TBCK: variants seen among roughly 807,000 people sequenced by gnomAD.
TBCK encodes the protein TBC1 domain containing kinase, also known as TBC domain-containing protein kinase-like protein.
Under a neutral mutation model 113.4 loss-of-function variants are expected in TBCK, and 99 were observed. That is an observed-to-expected ratio of 0.87 (90% CI 0.74 to 1.03). The LOEUF (loss-of-function observed/expected upper bound fraction) is 1.03. Ranked by LOEUF, TBCK falls within the 50% of genes least tolerant of loss-of-function variation. The pLI, the probability that TBCK is intolerant of heterozygous loss-of-function variation, is 0.00. For synonymous variants in TBCK, 369 were observed against 370.8 expected (o/e 1.00, Z 0.05); for missense variants, 1,045 against 1,061.3 (o/e 0.98, Z 0.21).
intron 19 of TBCK, among the ~76,000 whole-genome samples, chr4:106,221,471 G>A (rs887887906): frequency 2.6e-5 from 4 of 152,072 alleles, no homozygotes; most frequent in African/African-American, 7.2e-5. Context: ...GCTTTCAAAT[G>A]AGATAACAAT....
At chr4:106,244,482 C>T (rs1351207138) in intron 11 of TBCK, 144 bp downstream of exon 11, 3 of 602,646 alleles carry the variant, frequency 5.0e-6, no homozygotes, top group Non-Finnish European at 7.8e-6. Flanking sequence ...TTCCAATAAT[C>T]ACTTAGCTGG....
Position 106,231,780 on chromosome 4 carries a change from C to A in TBCK, c.1640-1G>T. ...AATGGAGCACAAAGTGAGTCAAGAC[C>A]TAACACAGAGGGGTTGGGAGAAAGA... On this transcript the variant is annotated splice_acceptor_variant, in intron 17 of 25. Transcript: ENST00000394708. LOFTEE classifies it high-confidence loss of function. 1.9e-6 allele frequency: 3 copies of A among 1,609,132 alleles called. No homozygotes were observed. The highest frequency in any genetic ancestry group is 2.5e-6 in the Non-Finnish European group (3 of 1,177,532).
intron 24 of TBCK, among the ~76,000 whole-genome samples, chr4:106,101,805 G>C (rs1242105719): frequency 1.3e-5 from 2 of 152,074 alleles, no homozygotes; most frequent in African/African-American, 2.4e-5. Flanking sequence ...ACATGACTAA[G>C]ACCTCTCTTA....
chr4:106,055,949 T>C (rs1735332693), intron 25 of TBCK, among the ~76,000 whole-genome samples: 1 of 151,372 alleles, frequency 6.6e-6, no homozygotes, highest in South Asian at 2.1e-4. Context: ...TTATGGAAAA[T>C]TATACCATAA....
chr4:106,152,764 G>A (rs78104935), intron 23 of TBCK, among the ~76,000 whole-genome samples: 3,727 of 152,038 alleles, frequency 0.025, 62 homozygotes, highest in Non-Finnish European at 0.036. Flanking sequence ...ATTACTTGTT[G>A]TTGATCTATT....
At chr4:106,245,272 TTC>T (rs750466439) in intron 10 of TBCK, among the ~76,000 whole-genome samples, 11 of 152,140 alleles carry the variant, frequency 7.2e-5, no homozygotes, top group Non-Finnish European at 1.5e-4. Context: ...GCCCTTATGT[TTC>T]CAGCAGTGGC....
chr4:106,197,411 G>GTGTATATATATATATATATATA (rs35695611), intron 20 of TBCK, among the ~76,000 whole-genome samples: 21 of 122,442 alleles, frequency 1.7e-4, no homozygotes, highest in African/African-American at 5.6e-4. Context: ...GTGTGTGTGT[G>GTGTATATATATATATATATATA]TATATATATA....
At chr4:106,144,948 G>C (rs1747591713) in intron 23 of TBCK, among the ~76,000 whole-genome samples, 1 of 151,598 alleles carries the variant, frequency 6.6e-6, no homozygotes, top group Non-Finnish European at 1.5e-5. Context: ...GCTTGAACTG[G>C]GAGGCGGAGG....
intron 3 of TBCK, among the ~76,000 whole-genome samples, chr4:106,270,429 C>G (rs1375911797): frequency 6.6e-6 from 1 of 152,152 alleles, no homozygotes; most frequent in Non-Finnish European, 1.5e-5. Context: ...TGTGCAAACA[C>G]ACTAGGTAAT....
chr4:106,230,312 C>A (rs375571678), intron 19 of TBCK, 51 bp downstream of exon 19: 2 of 1,184,338 alleles, frequency 1.7e-6, no homozygotes, highest in Admixed American at 1.9e-5. Context: ...CATCAGCACA[C>A]CAGTACATCA....
intron 20 of TBCK, among the ~76,000 whole-genome samples, chr4:106,196,972 G>A (rs996831374): frequency 6.6e-6 from 1 of 152,026 alleles, no homozygotes; most frequent in Non-Finnish European, 1.5e-5. Flanking sequence ...TTCTGACCAA[G>A]GTGGCATAAC....
chr4:106,142,314 G>A (rs1050227028), intron 23 of TBCK, among the ~76,000 whole-genome samples: 1 of 152,180 alleles, frequency 6.6e-6, no homozygotes, highest in African/African-American at 2.4e-5. Flanking sequence ...ACATTTAGCA[G>A]TAATTCTCTA....
chr4:106,071,449 T>C (rs891471618), intron 25 of TBCK, among the ~76,000 whole-genome samples: 1 of 152,240 alleles, frequency 6.6e-6, no homozygotes, highest in Non-Finnish European at 1.5e-5. Flanking sequence ...TTGATTGCAC[T>C]GTGGTCTGAG....
At chr4:106,231,659 C>A (rs1019563308) in intron 18 of TBCK, 70 bp downstream of exon 18, 1 of 1,447,234 alleles carries the variant, frequency 6.9e-7, no homozygotes, top group East Asian at 2.3e-5. Context: ...AAAACAAAAA[C>A]CTTTCATGTG....
intron 22 of TBCK, among the ~76,000 whole-genome samples, chr4:106,190,539 C>G (rs1241962689): frequency 6.6e-6 from 1 of 152,158 alleles, no homozygotes; most frequent in Non-Finnish European, 1.5e-5. Context: ...CACAATTACA[C>G]TATATCTCTG....
At chr4:106,219,228 G>A (rs1249455792) in intron 19 of TBCK, among the ~76,000 whole-genome samples, 6 of 116,364 alleles carry the variant, frequency 5.2e-5, no homozygotes, top group Admixed American at 1.0e-4. Flanking sequence ...TGTGGGGTGG[G>A]GGGAGGGGGG....
At chr4:106,192,676 G>A (rs1298447853) in intron 22 of TBCK, among the ~76,000 whole-genome samples, 2 of 152,046 alleles carry the variant, frequency 1.3e-5, no homozygotes, top group Admixed American at 1.3e-4. Flanking sequence ...AGGCGGTAAA[G>A]TACCAAGTAC....
At chr4:106,148,883 T>C (rs1748145593) in intron 23 of TBCK, among the ~76,000 whole-genome samples, 2 of 152,228 alleles carry the variant, frequency 1.3e-5, no homozygotes, top group Admixed American at 6.5e-5. Flanking sequence ...TCTCTAGCTA[T>C]GAAAGCCCTA....
intron 24 of TBCK, among the ~76,000 whole-genome samples, chr4:106,107,189 G>A (rs933137434): frequency 6.6e-6 from 1 of 152,128 alleles, no homozygotes. Flanking sequence ...ATAATAGTGG[G>A]AAACTTCAAC....
Sources: allele counts gnomAD v4.1 joint callset (sites outside exome capture counted in the v4.1 genomes callset), GRCh38; gene constraint gnomAD v4.1.1; transcripts MANE v1.5; gene names NCBI Gene and HGNC (gene_info 2026-07-23, HGNC 2026-07-21).